Variants in HELB observed in about 807,000 individuals in gnomAD.
HELB encodes DNA 5'-3' helicase B.
Under a neutral mutation model 101.7 loss-of-function variants are expected in HELB, and 96 were observed. That is an observed-to-expected ratio of 0.94 (90% CI 0.80 to 1.12). HELB has a LOEUF of 1.12. Ranked by LOEUF, HELB falls within the 50% of genes most tolerant of loss-of-function variation. The probability of loss-of-function intolerance (pLI) is 0.00; values close to 1 mark genes in which losing one functional copy is unlikely to be tolerated. For synonymous variants in HELB, 437 were observed against 459.7 expected (o/e 0.95, Z 0.63); for missense variants, 1,210 against 1,291.9 (o/e 0.94, Z 0.97).
chr12:66,334,051 G>T (rs1691834), intron 12 of HELB, among the ~76,000 whole-genome samples: 150,847 of 152,108 alleles, frequency 0.99, 74,806 homozygotes, highest in Middle Eastern at 1. Context: ...TCCCAGCTAC[G>T]CGGGAGGCTG....
Position 66,309,856 on chromosome 12 carries a change from C to T in HELB, c.928C>T (p.His310Tyr), listed in dbSNP as rs759085700. ...RLKQICREDG[H>Y]TYVEVNDLTL... ...GAAGCAGATATGTAGAGAAGATGGG[C>T]ACACATATGTTGAAGTGAATGACTT... is the stretch of plus-strand genomic sequence containing the variant. Residue 310 changes from histidine (H) to tyrosine (Y), a missense_variant, in exon 4 of 13, where the codon CAC (histidine) becomes TAC (tyrosine). His to Tyr is a moderately conservative substitution (Grantham distance 83, BLOSUM62 2). Around this residue, in one of 2 missense-constraint regions of HELB, gnomAD observed 470 missense variants for 563.1 expected, o/e 0.83. Transcript: ENST00000247815. The T allele has an allele frequency of 1.7e-5, 27 of 1,613,924 alleles. No individual in the cohort carries two copies. The South Asian group carries it at 2.3e-4, about 14-fold the overall frequency.
chr12:66,323,873 T>C (rs563948036), intron 9 of HELB, 110 bp from the exon 10 acceptor site: 3 of 716,312 alleles, frequency 4.2e-6, no homozygotes, highest in Admixed American at 4.8e-5. Context: ...GTAAATAAAA[T>C]GTGGAAATTA....
intron 11 of HELB, among the ~76,000 whole-genome samples, chr12:66,326,767 C>T (rs976345795): frequency 2.0e-5 from 3 of 149,298 alleles, no homozygotes; most frequent in African/African-American, 2.5e-5. Flanking sequence ...TGTGGTGGCT[C>T]ACGCTTGTAA....
intron 7 of HELB, among the ~76,000 whole-genome samples, chr12:66,319,344 AG>A (rs1399245801): frequency 6.6e-6 from 1 of 152,074 alleles, no homozygotes; most frequent in Admixed American, 6.5e-5. Flanking sequence ...AGTGTGGGAC[AG>A]GAAATCTTCT....
At chr12:66,305,637 T>A (rs1013316323) in intron 2 of HELB, among the ~76,000 whole-genome samples, 3 of 151,722 alleles carry the variant, frequency 2.0e-5, no homozygotes, top group Non-Finnish European at 4.4e-5. Flanking sequence ...CCCAGCTACT[T>A]GGGAGGATGA....
In HELB at chr12:66,325,246, A is replaced by G. The variant is rs2053723262; in HGVS notation, c.2670+120A>G. On this transcript the variant is annotated intron_variant, in intron 11 of 12. Transcript: ENST00000247815. ...ACAAAAATTAGGAAACAAAATACAC[A>G]AAAGTACAGAACATAATAGAGAAGA... 13 of 655,324 alleles carry G rather than the reference A, an allele frequency of 2.0e-5. No homozygotes were observed. In the South Asian group the frequency reaches 2.4e-4, roughly 12 times the overall value. The allele number at this position is 655,324 out of a possible 1,614,324, so 40.6% of individuals were successfully genotyped here. A position where few individuals can be genotyped will look rare whatever the true frequency, so the allele number is the denominator to read the frequency against.
At position 66,331,153 on chromosome 12, in the gene HELB, G is replaced by C; in HGVS notation, c.2671-1G>C. On this transcript the variant is annotated splice_acceptor_variant, in intron 11 of 12. Transcript: ENST00000247815. LOFTEE classifies it high-confidence loss of function. ...TCTTCACACCATATTTTTCCTGCCA[G>C]GGGTCCGAGGAGCAAACAGTTGTCT... 6.3e-7 allele frequency: 1 copy of C among 1,593,012 alleles called. No individual in the cohort carries two copies. The highest frequency in any genetic ancestry group is 8.6e-7 in the Non-Finnish European group (1 of 1,168,684).
At chr12:66,334,427 A>G (rs2053843003) in intron 12 of HELB, among the ~76,000 whole-genome samples, 1 of 150,076 alleles carries the variant, frequency 6.7e-6, no homozygotes. Context: ...GTGACGTCCC[A>G]TTCCAGCCTG....
Position 66,331,480 on chromosome 12 carries a change from C to T in HELB, c.2997C>T (p.Thr999=), listed in dbSNP as rs1274230924. Residue 999 remains threonine, a synonymous_variant, in exon 12 of 13, where the codon ACC becomes ACT. Transcript: ENST00000247815. The part of the protein sequence containing the change: ...VTDHAMTNDV[T]WSEASSPDER... ...ACCACGCCATGACAAATGATGTCAC[C>T]TGGAGCGAGGCCTCTTCGCCTGATG... 6.2e-7 allele frequency: 1 copy of T among 1,614,082 alleles called. No homozygotes were observed. The highest frequency in any genetic ancestry group is 8.5e-7 in the Non-Finnish European group (1 of 1,180,054).
chr12:66,329,884 C>A (rs2053785017), intron 11 of HELB, among the ~76,000 whole-genome samples: 1 of 152,118 alleles, frequency 6.6e-6, no homozygotes, highest in Non-Finnish European at 1.5e-5. Context: ...TGCCATATAT[C>A]TGTGGAAATG....
intron 4 of HELB, among the ~76,000 whole-genome samples, chr12:66,313,170 T>C (rs2053562730): frequency 6.6e-6 from 1 of 151,554 alleles, no homozygotes. Flanking sequence ...ATGAAGGCTT[T>C]ACTTAATAGA....
rs1460448780 is a variant in HELB at position 66,331,700 on chromosome 12, T to G, written c.3162+55T>G. 2.7e-6 allele frequency: 4 copies of G among 1,490,466 alleles called. No individual in the cohort carries two copies. The Admixed American group carries it at 7.4e-5, about 28-fold the overall frequency. 92.3% of individuals were successfully genotyped at this position (1,490,466 alleles called of 1,614,324 possible). ...TTTATTTAAATATCGCTAACTTCGG[T>G]GTGCTTATAAATGACTGTGTGCTTT... On this transcript the variant is annotated intron_variant, in intron 12 of 12. Coordinates refer to ENST00000247815, the MANE Select transcript of HELB (RefSeq NM_001370285.1).
At chr12:66,334,053 G>T (rs1795529) in intron 12 of HELB, among the ~76,000 whole-genome samples, 66,334 of 151,800 alleles carry the variant, frequency 0.44, 15,119 homozygotes, top group East Asian at 0.58. Context: ...CCAGCTACGC[G>T]GGAGGCTGAG....
chr12:66,332,704 T>C (rs2053823862), intron 12 of HELB, among the ~76,000 whole-genome samples: 1 of 152,224 alleles, frequency 6.6e-6, no homozygotes, highest in Non-Finnish European at 1.5e-5. Flanking sequence ...TATAGGTATG[T>C]ATGTATAGGA....
At chr12:66,318,914 A>T in intron 7 of HELB, 122 bp downstream of exon 7, 1 of 724,290 alleles carries the variant, frequency 1.4e-6, no homozygotes. Context: ...TAGCAAAAAA[A>T]GAGACATTGA....
intron 2 of HELB, 138 bp from the exon 3 acceptor site, chr12:66,306,205 CTT>C (rs1202842789): frequency 3.9e-6 from 2 of 515,790 alleles, no homozygotes; most frequent in Non-Finnish European, 6.5e-6. Flanking sequence ...TCAAAATTTT[CTT>C]ACTGGTTAAA....
chr12:66,308,754 C>T (rs1477407666), intron 3 of HELB, among the ~76,000 whole-genome samples: 2 of 152,114 alleles, frequency 1.3e-5, no homozygotes, highest in Non-Finnish European at 2.9e-5. Flanking sequence ...GGGCCCATCT[C>T]GAGGACCTCA....
intron 10 of HELB, 34 bp downstream of exon 10, chr12:66,324,245 A>T (rs1447467234): frequency 4.6e-6 from 6 of 1,315,610 alleles, no homozygotes; most frequent in African/African-American, 1.5e-5. Flanking sequence ...TCTTTTAACT[A>T]ATTAGAGATA....
chr12:66,322,585 T>C, intron 8 of HELB, 139 bp from the exon 9 acceptor site: 1 of 450,914 alleles, frequency 2.2e-6, no homozygotes, highest in Non-Finnish European at 3.9e-6. Context: ...AAAAAAAAGA[T>C]AAAAAGTAGA....
Sources: gnomAD v4.1 joint callset for allele counts (sites outside exome capture counted in the v4.1 genomes callset) on GRCh38, gnomAD v4.1.1 for gene constraint, gnomAD v4.1.1 regional missense constraint, MANE v1.5 for transcripts, NCBI Gene and HGNC (gene_info 2026-07-23, HGNC 2026-07-21) for gene names.